Variants in ADAMTS17 observed in about 807,000 individuals in gnomAD.
ADAMTS17 encodes A disintegrin and metalloproteinase with thrombospondin motifs 17.
ADAMTS17 carries 113 observed loss-of-function variants against 141.5 expected under a neutral mutation model. The ratio of observed to expected loss-of-function variants is 0.80; its 90% CI spans 0.69 to 0.93. The LOEUF (loss-of-function observed/expected upper bound fraction) is 0.93. Ranked by LOEUF, ADAMTS17 falls within the 40% of genes least tolerant of loss-of-function variation. The pLI is 0.00. For missense variants in ADAMTS17, 1,659 were observed against 1,517.9 expected, an observed-to-expected ratio of 1.09 and a Z score of -1.54; for synonymous variants, 768 against 630.6, an observed-to-expected ratio of 1.22 and a Z score of -3.27.
At chr15:100,074,005 T>C (rs947272300) in intron 15 of ADAMTS17, 2 of 152,240 alleles carry the variant, frequency 1.3e-5, no homozygotes, top group Non-Finnish European at 2.9e-5. Context: ...GTTAATTCTC[T>C]TAGGTTTTCA....
At chr15:100,314,091 C>A (rs891479529) in intron 3 of ADAMTS17, among the ~76,000 whole-genome samples, 3 of 152,142 alleles carry the variant, frequency 2.0e-5, no homozygotes, top group Non-Finnish European at 4.4e-5. Context: ...AAACGTCAGA[C>A]AAAACCAAAT....
At chr15:100,202,008 A>T (rs1450882663) in intron 7 of ADAMTS17, among the ~76,000 whole-genome samples, 2 of 152,172 alleles carry the variant, frequency 1.3e-5, no homozygotes, top group Non-Finnish European at 2.9e-5. Context: ...TCAATGAATC[A>T]ATTAGAAACA....
intron 15 of ADAMTS17, among the ~76,000 whole-genome samples, chr15:100,071,051 T>C (rs536503946): frequency 4.0e-5 from 6 of 150,070 alleles, no homozygotes; most frequent in Admixed American, 6.7e-5. Context: ...TAAAAAATGA[T>C]AAAGCAGATA....
rs569367309 is a variant in ADAMTS17, at chr15:100,034,506, C to G, written c.2591+14351G>C. On this transcript the variant is annotated intron_variant, in intron 18 of 21. Coordinates refer to ENST00000268070, the MANE Select transcript of ADAMTS17 (RefSeq NM_139057.4). ...CTACCAGGCTGGATGCCTGGCCTCA[C>G]CTGAAGAGCACAGTGAGCCCCTGCA... Among the ~76,000 whole-genome samples the G allele has an allele frequency of 1.8e-4, 27 of 152,342 alleles. No individual in the cohort carries two copies. In the South Asian group the frequency reaches 5.0e-3, roughly 28 times the overall value.
At chr15:100,055,178 T>C (rs2032465243) in intron 15 of ADAMTS17, among the ~76,000 whole-genome samples, 1 of 152,098 alleles carries the variant, frequency 6.6e-6, no homozygotes, top group Admixed American at 6.6e-5. Flanking sequence ...CCCAAACTGA[T>C]CTACATATAT....
In ADAMTS17 at chr15:100,170,898, C is replaced by T. The variant is rs77403961; in HGVS notation, c.1182-15578G>A. Among the ~76,000 whole-genome samples the T allele has an allele frequency of 3.1e-3, 472 of 152,274 alleles. 1 individual carries two copies. The highest frequency in any genetic ancestry group is 0.011 in the African/African-American group (443 of 41,544). ...TAGCAGGAGAAGGCCTGGCTGGTGG[C>T]ACCCGTTACTTTATTGAGTCACTAA... is the stretch of plus-strand genomic sequence containing the variant. On this transcript the variant is annotated intron_variant, in intron 8 of 21. Coordinates refer to ENST00000268070, the MANE Select transcript of ADAMTS17 (RefSeq NM_139057.4).
At chr15:100,221,278 CTTTT>C (rs34908375) in intron 7 of ADAMTS17, among the ~76,000 whole-genome samples, 5 of 148,038 alleles carry the variant, frequency 3.4e-5, no homozygotes, top group East Asian at 3.9e-4. Flanking sequence ...ATAAACTTCA[CTTTT>C]TTTTTTTTTA....
chr15:100,341,679 T>G (rs2046371135), intron 1 of ADAMTS17, 142 bp downstream of exon 1: 6 of 1,120,216 alleles, frequency 5.4e-6, no homozygotes, highest in Non-Finnish European at 7.1e-6. Flanking sequence ...ATTCCCGTAC[T>G]CCGGCCGCGG....
At chr15:99,975,806 G>A (rs1032117370) in intron 21 of ADAMTS17, among the ~76,000 whole-genome samples, 4 of 152,200 alleles carry the variant, frequency 2.6e-5, no homozygotes, top group Non-Finnish European at 4.4e-5. Context: ...TGGGCAAAGG[G>A]GTGAGGGAGA....
chr15:100,091,582 A>G (rs2035473118), intron 15 of ADAMTS17, among the ~76,000 whole-genome samples: 1 of 152,216 alleles, frequency 6.6e-6, no homozygotes. Flanking sequence ...GGCTATGAGC[A>G]ATTTCCCTGT....
At chr15:100,043,769 C>T (rs553022600) in intron 18 of ADAMTS17, among the ~76,000 whole-genome samples, 36 of 152,358 alleles carry the variant, frequency 2.4e-4, no homozygotes, top group African/African-American at 7.2e-4. Context: ...CCCTGTTCTA[C>T]GGAGATACTA....
At chr15:100,155,023 C>T (rs1596125205) in intron 9 of ADAMTS17, among the ~76,000 whole-genome samples, 157 bp downstream of exon 9, 3 of 152,230 alleles carry the variant, frequency 2.0e-5, no homozygotes, top group African/African-American at 7.2e-5. Flanking sequence ...ATGTCCTTGC[C>T]ATTATAGGAC....
intron 3 of ADAMTS17, among the ~76,000 whole-genome samples, chr15:100,329,630 T>A (rs1314232769): frequency 2.0e-5 from 3 of 152,002 alleles, no homozygotes; most frequent in Admixed American, 1.3e-4. Flanking sequence ...TGCTAGTAAT[T>A]GTACGGGGTC....
chr15:100,110,250 TAA>T (rs1567190755), intron 13 of ADAMTS17, among the ~76,000 whole-genome samples: 9 of 144,940 alleles, frequency 6.2e-5, no homozygotes, highest in African/African-American at 2.0e-4. Flanking sequence ...TATATATATA[TAA>T]ATACATATAT....
At chr15:100,190,273 T>A (rs770583961) in intron 8 of ADAMTS17, among the ~76,000 whole-genome samples, 13 of 152,198 alleles carry the variant, frequency 8.5e-5, no homozygotes, top group Admixed American at 2.0e-4. Flanking sequence ...AGGAACAAAG[T>A]GCATGATTCC....
At chr15:100,024,958 G>C (rs985755264) in intron 18 of ADAMTS17, among the ~76,000 whole-genome samples, 3 of 152,198 alleles carry the variant, frequency 2.0e-5, no homozygotes, top group Admixed American at 1.3e-4. Context: ...GTGTGCTTTA[G>C]TCTTCACTTG....
At position 100,240,820 on chromosome 15, in the gene ADAMTS17, T is replaced by C. The variant is rs563118151; in HGVS notation, c.1075+13316A>G. Among the ~76,000 whole-genome samples, 52 of 152,330 alleles carry C rather than the reference T, an allele frequency of 3.4e-4. No homozygotes were observed. The South Asian group carries it at 0.01, about 30-fold the overall frequency. ...TACTCAACTTCTGTTTGTTTTTCTC[T>C]TGTTAATCTGGCTTTTCTTTTTTGA... is the stretch of plus-strand genomic sequence containing the variant. On this transcript the variant is annotated intron_variant, in intron 7 of 21. Transcript: ENST00000268070.
intron 18 of ADAMTS17, among the ~76,000 whole-genome samples, chr15:100,042,791 A>G (rs939261787): frequency 6.6e-6 from 1 of 152,198 alleles, no homozygotes; most frequent in African/African-American, 2.4e-5. Context: ...ATTTCATGAC[A>G]CTACTCAGAA....
intron 3 of ADAMTS17, among the ~76,000 whole-genome samples, chr15:100,315,098 A>G (rs1596503864): frequency 6.6e-6 from 1 of 152,214 alleles, no homozygotes; most frequent in South Asian, 2.1e-4. Flanking sequence ...CAGTCCACAG[A>G]ACCCACCTGA....
Sources: gnomAD v4.1 joint callset for allele counts (sites outside exome capture counted in the v4.1 genomes callset) on GRCh38, gnomAD v4.1.1 for gene constraint, MANE v1.5 for transcripts, NCBI Gene and HGNC (gene_info 2026-07-23, HGNC 2026-07-21) for gene names.